Variants in MYCBP2 observed in about 807,000 individuals in gnomAD.
MYCBP2 encodes E3 ubiquitin-protein ligase MYCBP2.
Under a neutral mutation model 525.3 loss-of-function variants are expected in MYCBP2, and 120 were observed. The ratio of observed to expected loss-of-function variants is 0.23; its 90% CI spans 0.20 to 0.27. The LOEUF (loss-of-function observed/expected upper bound fraction) is 0.27, where lower values mean the gene tolerates loss of function less well. Among genes scored for constraint, MYCBP2 ranks in the 10% least tolerant of loss-of-function variants. MYCBP2 has a pLI of 1.00. For synonymous variants in MYCBP2, 1,894 were observed against 1,955.8 expected (o/e 0.97, Z 0.83); for missense variants, 4,149 against 5,657.1 (o/e 0.73, Z 8.55).
rs539677483 is a variant in MYCBP2, at chr13:77,307,540, C to G, written c.303-10866G>C. Among the ~76,000 whole-genome samples, 86 of 142,294 alleles carry G rather than the reference C, an allele frequency of 6.0e-4. 1 individual carries two copies. In the South Asian group the frequency reaches 6.9e-3, roughly 11 times the overall value. 93.4% of individuals were successfully genotyped at this position (142,294 alleles called of 152,430 possible). A position where few individuals can be genotyped will look rare whatever the true frequency, so the allele number is the denominator to read the frequency against. On this transcript the variant is annotated intron_variant, in intron 1 of 82. Coordinates refer to ENST00000544440, the MANE Select transcript of MYCBP2 (RefSeq NM_015057.5). ...ACTCAGATGGCTGAGGTGGGAAGAT[C>G]GCTTTGGTCCAGGAGTTAGAGGCTG... is the stretch of plus-strand genomic sequence containing the variant.
At chr13:77,157,666 C>T (rs910085007) in intron 45 of MYCBP2, among the ~76,000 whole-genome samples, 33 of 152,072 alleles carry the variant, frequency 2.2e-4, no homozygotes, top group Non-Finnish European at 4.6e-4. Flanking sequence ...ACAAGAATCG[C>T]TTGAGTCCAG....
intron 26 of MYCBP2, among the ~76,000 whole-genome samples, chr13:77,200,642 G>A (rs1428590796): frequency 6.6e-6 from 1 of 152,156 alleles, no homozygotes; most frequent in Non-Finnish European, 1.5e-5. Context: ...CAGCCAGAGA[G>A]AAAGGTCGGG....
rs112493272 is a variant in MYCBP2 at position 77,076,515 on chromosome 13, A to G, written c.11823+236T>C. Reference sequence around the variant, plus strand: ...TGGGGTATAGCACAGAAATGATTACAAATGAATGCAAAAACCCAAGGTATA... The same window carrying G: ...TGGGGTATAGCACAGAAATGATTACGAATGAATGCAAAAACCCAAGGTATA... On this transcript the variant is annotated intron_variant, in intron 68 of 82. Coordinates refer to ENST00000544440, the MANE Select transcript of MYCBP2 (RefSeq NM_015057.5). Among the ~76,000 whole-genome samples, 705 of 152,296 alleles carry G rather than the reference A, an allele frequency of 4.6e-3. 5 individuals are homozygous for G. The highest frequency in any genetic ancestry group is 0.016 in the African/African-American group (657 of 41,554).
chr13:77,308,690 G>C (rs912324707), intron 1 of MYCBP2, among the ~76,000 whole-genome samples: 1 of 152,206 alleles, frequency 6.6e-6, no homozygotes, highest in Non-Finnish European at 1.5e-5. Flanking sequence ...TTTGAGAGGT[G>C]ATCCCAGGAA....
chr13:77,193,532 T>C (rs2061485640), intron 27 of MYCBP2, among the ~76,000 whole-genome samples: 1 of 152,172 alleles, frequency 6.6e-6, no homozygotes, highest in Non-Finnish European at 1.5e-5. Context: ...TAATATTCCC[T>C]GCTTCAAACC....
At chr13:77,323,678 C>T (rs1209537259) in intron 1 of MYCBP2, among the ~76,000 whole-genome samples, 1 of 152,242 alleles carries the variant, frequency 6.6e-6, no homozygotes, top group Non-Finnish European at 1.5e-5. Context: ...ATCTTGCTCA[C>T]CGCTACATCT....
At chr13:77,308,004 C>T (rs2079681326) in intron 1 of MYCBP2, among the ~76,000 whole-genome samples, 1 of 152,162 alleles carries the variant, frequency 6.6e-6, no homozygotes, top group African/African-American at 2.4e-5. Context: ...ATATTCACTT[C>T]TATACTGGTT....
rs575128288 is a variant in MYCBP2 at position 77,153,795 on chromosome 13, G to T, written c.6915+2263C>A. On this transcript the variant is annotated intron_variant, in intron 46 of 82. Coordinates refer to ENST00000544440, the MANE Select transcript of MYCBP2 (RefSeq NM_015057.5). Reference sequence around the variant, plus strand: ...AGGAAGTTTCAAAAATAGATGAAATGTCCTATGTACCCTTCACTCAGGTTC... The same window carrying T: ...AGGAAGTTTCAAAAATAGATGAAATTTCCTATGTACCCTTCACTCAGGTTC... 1.4e-4 allele frequency among the ~76,000 whole-genome samples: 21 copies of T among 151,238 alleles called. No individual in the cohort carries two copies. The South Asian group carries it at 4.2e-3, about 30-fold the overall frequency.
chr13:77,106,535 TAAAA>T (rs561188910), intron 55 of MYCBP2, among the ~76,000 whole-genome samples: 1 of 151,978 alleles, frequency 6.6e-6, no homozygotes, highest in Non-Finnish European at 1.5e-5. Context: ...ATAATACAGA[TAAAA>T]AAAATTTTTT....
Position 77,067,681 on chromosome 13 carries a change from C to G in MYCBP2, c.12355G>C (p.Val4119Leu). The G allele has an allele frequency of 6.2e-7, 1 of 1,614,126 alleles. No individual in the cohort carries two copies. Among genetic ancestry groups the G allele is most frequent in the Non-Finnish European group, 8.5e-7 (1 of 1,180,020 alleles). ...GTGGTTCCTTTGGCTTTTAGCTGTACAGTGAGTGCTTTGGCAATGCATCCT... is the reference window on the plus strand; with the variant it reads ...GTGGTTCCTTTGGCTTTTAGCTGTAGAGTGAGTGCTTTGGCAATGCATCCT... The part of the protein sequence containing the change: ...FLGCIAKALT[V>L]QLKAKGTTIT... Residue 4119 changes from valine to leucine, a missense_variant, in exon 71 of 83, where the codon GTA (valine) becomes CTA (leucine). Transcript: ENST00000544440.
In MYCBP2 at chr13:77,273,646, C is replaced by A; in HGVS notation, c.771G>T (p.Leu257Phe). Residue 257 changes from leucine to phenylalanine, a missense_variant, in exon 5 of 83, where the codon TTG becomes TTT. This residue lies in a region of MYCBP2 where 413 missense variants were observed against 451.2 expected (regional missense o/e 0.92). Coordinates refer to ENST00000544440, the MANE Select transcript of MYCBP2 (RefSeq NM_015057.5). ...EVLESLFQLL[L>F]EITVRSTGMN... ...TCCCAGTACTTCGAACGGTGATTTCCAAAAGAAGCTGGAAGAGAGACTCTG... is the reference window on the plus strand; with the variant it reads ...TCCCAGTACTTCGAACGGTGATTTCAAAAAGAAGCTGGAAGAGAGACTCTG... 1 of 1,552,238 alleles carries A rather than the reference C, an allele frequency of 6.4e-7. No individual in the cohort carries two copies. Among genetic ancestry groups the A allele is most frequent in the Non-Finnish European group, 8.7e-7 (1 of 1,154,294 alleles).
intron 55 of MYCBP2, among the ~76,000 whole-genome samples, chr13:77,115,372 A>G (rs1443628039): frequency 1.3e-5 from 2 of 151,960 alleles, no homozygotes; most frequent in African/African-American, 4.8e-5. Context: ...TTTTTAAATT[A>G]AAAAGTAAAT....
intron 40 of MYCBP2, 141 bp downstream of exon 40, chr13:77,168,287 C>G: frequency 1.6e-6 from 1 of 633,790 alleles, no homozygotes; most frequent in South Asian, 2.2e-5. Flanking sequence ...CCAACAGTGC[C>G]TAATCACCTG....
At chr13:77,230,370 G>A (rs569547149) in intron 18 of MYCBP2, among the ~76,000 whole-genome samples, 1 of 152,238 alleles carries the variant, frequency 6.6e-6, no homozygotes, top group South Asian at 2.1e-4. Flanking sequence ...AGATAAACTA[G>A]AAGATAAACT....
At chr13:77,211,485 C>T (rs1005477487) in intron 22 of MYCBP2, among the ~76,000 whole-genome samples, 165 bp from the exon 23 acceptor site, 18 of 152,088 alleles carry the variant, frequency 1.2e-4, no homozygotes, top group African/African-American at 4.3e-4. Flanking sequence ...AATAAAACCT[C>T]AAGATGTCTA....
intron 32 of MYCBP2, 45 bp from the exon 33 acceptor site, chr13:77,181,967 T>A (rs1418024962): frequency 6.9e-7 from 1 of 1,447,504 alleles, no homozygotes; most frequent in East Asian, 2.3e-5. Context: ...AAATATAGCA[T>A]CAGTATAATC....
chr13:77,169,701 T>C lies in MYCBP2; in HGVS notation c.5808A>G (p.Pro1936=). The C allele has an allele frequency of 2.5e-6, 4 of 1,613,936 alleles. No individual in the cohort carries two copies. Among genetic ancestry groups the C allele is most frequent in the Non-Finnish European group, 3.4e-6 (4 of 1,179,952 alleles). The part of the protein sequence containing the change: ...RALAVDADDI[P]ELLSSSSLFS... Reference sequence around the variant, plus strand: ...ACAGACTGGAAGAACTCAGCAGTTCTGGAATGTCATCAGCTAAAAAAAGGC... The same window carrying C: ...ACAGACTGGAAGAACTCAGCAGTTCCGGAATGTCATCAGCTAAAAAAAGGC... Residue 1936 remains proline, a synonymous_variant, in exon 39 of 83, where the codon CCA becomes CCG. Transcript: ENST00000544440.
intron 14 of MYCBP2, among the ~76,000 whole-genome samples, chr13:77,253,042 A>G (rs1372961781): frequency 6.6e-6 from 1 of 152,080 alleles, no homozygotes; most frequent in African/African-American, 2.4e-5. Flanking sequence ...ATTTATAAAG[A>G]AAAAGGTTGA....
At chr13:77,233,309 A>T (rs1175813810) in intron 17 of MYCBP2, 46 bp from the exon 18 acceptor site, 1 of 1,360,874 alleles carries the variant, frequency 7.3e-7, no homozygotes. Flanking sequence ...TCACAAAATG[A>T]AAACACTATA....
Sources: allele counts gnomAD v4.1 joint callset (sites outside exome capture counted in the v4.1 genomes callset), GRCh38; gene constraint gnomAD v4.1.1; regional missense constraint gnomAD v4.1.1; transcripts MANE v1.5; gene names NCBI Gene and HGNC (gene_info 2026-07-23, HGNC 2026-07-21).